MICU2: variants seen among roughly 807,000 people sequenced by gnomAD.
MICU2 encodes mitochondrial calcium uptake 2.
Under a neutral mutation model 60.4 loss-of-function variants are expected in MICU2, and 64 were observed. That is an observed-to-expected ratio of 1.06 (90% confidence interval 0.87 to 1.31). MICU2 has a LOEUF of 1.31. Among genes scored for constraint, MICU2 ranks in the 50% most tolerant of loss-of-function variants. The pLI is 0.00. For synonymous variants in MICU2, 201 were observed against 175.0 expected, an observed-to-expected ratio of 1.15 and a Z score of -1.17; for missense variants, 569 against 531.0, an observed-to-expected ratio of 1.07 and a Z score of -0.70.
rs114237229 is a variant in MICU2, at chr13:21,548,548, C to T, written c.359-8860G>A. Among the ~76,000 whole-genome samples the T allele has an allele frequency of 2.3e-3, 351 of 152,302 alleles. 3 individuals carry two copies. Among genetic ancestry groups the T allele is most frequent in the African/African-American group, 7.7e-3 (319 of 41,564 alleles). ...ACATTCTCTAATTTAATCATCCCAA[C>T]AACACTATATGGTAGACACTATTAT... On this transcript the variant is annotated intron_variant, in intron 2 of 11. Coordinates refer to ENST00000382374, the MANE Select transcript of MICU2 (RefSeq NM_152726.3).
chr13:21,550,467 G>A (rs762874693), intron 2 of MICU2, among the ~76,000 whole-genome samples: 1 of 152,168 alleles, frequency 6.6e-6, no homozygotes, highest in Non-Finnish European at 1.5e-5. Flanking sequence ...GAACCCAGGA[G>A]GTTGAGGCTG....
At chr13:21,522,673 A>G in intron 4 of MICU2, 23 bp from the exon 5 acceptor site, 7 of 1,560,684 alleles carry the variant, frequency 4.5e-6, no homozygotes, top group Non-Finnish European at 6.1e-6. Context: ...AAAACATACC[A>G]GAAAATAAGC....
chr13:21,498,393 TTTTTTGA>T (rs1442567773), intron 9 of MICU2, among the ~76,000 whole-genome samples: 1 of 121,774 alleles, frequency 8.2e-6, no homozygotes, highest in Non-Finnish European at 1.9e-5. Context: ...TTTTTTTTTT[TTTTTTGA>T]GACAGTCTCG....
At chr13:21,540,655 T>A (rs898981123) in intron 2 of MICU2, among the ~76,000 whole-genome samples, 2 of 152,304 alleles carry the variant, frequency 1.3e-5, no homozygotes, top group Admixed American at 1.3e-4. Context: ...TATGACTACA[T>A]ACTTTTTAGA....
At chr13:21,539,102 C>T (rs1490204682) in intron 4 of MICU2, among the ~76,000 whole-genome samples, 200 bp downstream of exon 4, 1 of 152,122 alleles carries the variant, frequency 6.6e-6, no homozygotes, top group African/African-American at 2.4e-5. Context: ...TACTCTGCCT[C>T]ATACCCTCAT....
Position 21,503,055 on chromosome 13 carries a change from G to A in MICU2, c.804C>T (p.Phe268=). Residue 268 remains phenylalanine (F), a synonymous_variant, in exon 9 of 12, where the codon TTC becomes TTT. Transcript: ENST00000382374. ...NLQTEIQEME[F]LQFSKGLSFM... ...AACTCAAACCTTTAGAAAACTGAAG[G>A]AATTCCATTTCTTGAATCTCTGTTT... 1 of 1,601,584 alleles carries A rather than the reference G, an allele frequency of 6.2e-7. No homozygotes were observed. Among genetic ancestry groups the A allele is most frequent in the Non-Finnish European group, 8.5e-7 (1 of 1,176,326 alleles).
chr13:21,506,851 C>T (rs1028820678), intron 8 of MICU2, among the ~76,000 whole-genome samples: 1 of 152,090 alleles, frequency 6.6e-6, no homozygotes, highest in African/African-American at 2.4e-5. Context: ...CTCCTTACAT[C>T]GTCAGTTAAA....
Position 21,595,612 on chromosome 13 carries a change from C to G in MICU2, c.210+8327G>C, listed in dbSNP as rs957389568. 1.2e-4 allele frequency among the ~76,000 whole-genome samples: 18 copies of G among 152,400 alleles called. 1 individual carries two copies. The highest frequency in any genetic ancestry group is 3.6e-4 in the African/African-American group (15 of 41,602). On this transcript the variant is annotated intron_variant, in intron 1 of 11. Transcript: ENST00000382374. ...CTGTGGTAGCTCTAAGCCAGGCCCT[C>G]AGGCCACATTCTTCCACCCAGCAGG...
chr13:21,524,950 T>C (rs1385526406), intron 4 of MICU2, among the ~76,000 whole-genome samples: 1 of 152,216 alleles, frequency 6.6e-6, no homozygotes, highest in Non-Finnish European at 1.5e-5. Context: ...TATGTCAGCA[T>C]ATCCTTCCTT....
At position 21,502,907 on chromosome 13, in the gene MICU2, A is replaced by G. The variant is rs1240971893; in HGVS notation, c.933+19T>C. On this transcript the variant is annotated intron_variant, in intron 9 of 11. Coordinates refer to ENST00000382374, the MANE Select transcript of MICU2 (RefSeq NM_152726.3). Reference sequence around the variant, plus strand: ...ATTATTTCATCTTTATCACATGCATAATAAAAGGGTATACCAACCTCTCCT... The same window carrying G: ...ATTATTTCATCTTTATCACATGCATGATAAAAGGGTATACCAACCTCTCCT... 18 of 1,588,570 alleles carry G rather than the reference A, an allele frequency of 1.1e-5. No individual in the cohort carries two copies. The highest frequency in any genetic ancestry group is 1.5e-5 in the Non-Finnish European group (17 of 1,170,294).
chr13:21,598,766 A>G, intron 1 of MICU2, among the ~76,000 whole-genome samples: 1 of 152,204 alleles, frequency 6.6e-6, no homozygotes, highest in South Asian at 2.1e-4. Flanking sequence ...TTTTAGTCTC[A>G]TCATCTACTG....
In MICU2 at chr13:21,604,007, C is replaced by G. The variant is rs1468895271; in HGVS notation, c.142G>C (p.Gly48Arg). 1 of 1,610,814 alleles carries G rather than the reference C, an allele frequency of 6.2e-7. No homozygotes were observed. Among genetic ancestry groups the G allele is most frequent in the Non-Finnish European group, 8.5e-7 (1 of 1,179,248 alleles). The change falls in exon 1 of 12, where the codon GGA becomes CGA. Residue 48 changes from glycine to arginine, a missense_variant. Physicochemically the swap from Gly to Arg is moderately radical, Grantham distance 125. Transcript: ENST00000382374. ...AVAGAALAGA[G>R]AAWHHSRVSV... ...ACGCGGCTGTGGTGCCAGGCCGCTC[C>G]TGCTCCTGCCAGGGCCGCGCCGGCC... is the stretch of plus-strand genomic sequence containing the variant.
At chr13:21,586,552 T>G (rs1194421586) in intron 1 of MICU2, among the ~76,000 whole-genome samples, 1 of 152,158 alleles carries the variant, frequency 6.6e-6, no homozygotes, top group Non-Finnish European at 1.5e-5. Flanking sequence ...GGACTACAGA[T>G]GCACACCACC....
At chr13:21,496,719 C>A in intron 9 of MICU2, 1 of 152,482 alleles carries the variant, frequency 6.6e-6, no homozygotes, top group Non-Finnish European at 1.5e-5. Flanking sequence ...CAATCAGGAT[C>A]TGAACCTTGG....
chr13:21,553,197 T>C (rs1887617532), intron 2 of MICU2, among the ~76,000 whole-genome samples: 1 of 152,186 alleles, frequency 6.6e-6, no homozygotes, highest in Non-Finnish European at 1.5e-5. Flanking sequence ...GAAGCAATTG[T>C]GAATGGGAGT....
chr13:21,559,285 C>T (rs139696853), intron 2 of MICU2, among the ~76,000 whole-genome samples: 1 of 152,310 alleles, frequency 6.6e-6, no homozygotes, highest in African/African-American at 2.4e-5. Flanking sequence ...TGTGAATACA[C>T]TGTAGCACAG....
intron 4 of MICU2, among the ~76,000 whole-genome samples, chr13:21,530,493 A>G (rs1165406632): frequency 6.6e-6 from 1 of 151,870 alleles, no homozygotes; most frequent in Non-Finnish European, 1.5e-5. Context: ...CTGGAAATAT[A>G]TGATTAATGC....
chr13:21,493,228 G>T lies in MICU2; in HGVS notation c.*21C>A. On this transcript the variant is annotated 3_prime_UTR_variant, in exon 12 of 12. Coordinates refer to ENST00000382374, the MANE Select transcript of MICU2 (RefSeq NM_152726.3). Reference sequence around the variant, plus strand: ...TTTTGACATTTGGAACAATATAATTGCCATACTATTATATCTTTTATTAAA... The same window carrying T: ...TTTTGACATTTGGAACAATATAATTTCCATACTATTATATCTTTTATTAAA... The T allele has an allele frequency of 6.7e-7, 1 of 1,497,972 alleles. No homozygotes were observed. Among genetic ancestry groups the T allele is most frequent in the Non-Finnish European group, 9.1e-7 (1 of 1,098,190 alleles). The allele number at this position is 1,497,972 out of a possible 1,614,324, so 92.8% of individuals were successfully genotyped here.
chr13:21,530,399 A>G (rs1566149294), intron 4 of MICU2, among the ~76,000 whole-genome samples: 3 of 151,164 alleles, frequency 2.0e-5, no homozygotes, highest in South Asian at 2.1e-4. Flanking sequence ...GGAAAATCCT[A>G]TTTTTCTAAT....
Sources: allele counts gnomAD v4.1 joint callset (sites outside exome capture counted in the v4.1 genomes callset), GRCh38; gene constraint gnomAD v4.1.1; transcripts MANE v1.5; gene names NCBI Gene and HGNC (gene_info 2026-07-23, HGNC 2026-07-21).